Variants in CTTN observed in about 807,000 individuals in gnomAD.
CTTN encodes the protein src substrate cortactin.
A neutral mutation model predicts 84.0 loss-of-function variants in CTTN; 28 were observed. The observed-to-expected ratio is 0.33, with a 90% confidence interval of 0.25 to 0.46. The LOEUF (loss-of-function observed/expected upper bound fraction) is 0.46, where lower values mean the gene tolerates loss of function less well. CTTN is among the 20% of genes least tolerant of loss of function. The probability of loss-of-function intolerance (pLI) is 1.00; values close to 1 mark genes in which losing one functional copy is unlikely to be tolerated. For synonymous variants in CTTN, 301 were observed against 288.8 expected (o/e 1.04, Z -0.43); for missense variants, 641 against 723.8 (o/e 0.89, Z 1.31).
chr11:70,418,052 C>G (rs995513730), intron 8 of CTTN, among the ~76,000 whole-genome samples: 5 of 152,040 alleles, frequency 3.3e-5, no homozygotes, highest in African/African-American at 1.2e-4. Context: ...TCTTGTTTGG[C>G]CTGCACATTT....
rs150354756 is a variant in CTTN, at chr11:70,429,092, C to A, written c.1069C>A (p.Leu357Ile). 3 of 1,614,074 alleles carry A rather than the reference C, an allele frequency of 1.9e-6. No homozygotes were observed. The highest frequency in any genetic ancestry group is 1.7e-6 in the Non-Finnish European group (2 of 1,180,048). Reference protein sequence around the residue: ...TSNIRANFENLAKEKEQEDRR... With the variant: ...TSNIRANFENIAKEKEQEDRR... ...TAACATCAGAGCTAACTTTGAAAAC[C>A]TCGCTAAGGAGAAAGAGCAGGAGGA... The change falls in exon 14 of 18, where the codon CTC becomes ATC. Residue 357 changes from leucine (L) to isoleucine (I), a missense_variant. This residue lies in a region of CTTN where 289 missense variants were observed against 273.1 expected (regional missense o/e 1.06). Coordinates refer to ENST00000301843, the MANE Select transcript of CTTN (RefSeq NM_005231.4).
intron 9 of CTTN, 113 bp downstream of exon 9, chr11:70,419,969 CTT>C (rs1422934911): frequency 2.6e-6 from 2 of 768,912 alleles, no homozygotes; most frequent in African/African-American, 3.6e-5. Flanking sequence ...GTAGATGTCT[CTT>C]TTTCATGAAA....
At chr11:70,415,040 A>G (rs2058141980) in intron 6 of CTTN, among the ~76,000 whole-genome samples, 1 of 152,134 alleles carries the variant, frequency 6.6e-6, no homozygotes, top group Admixed American at 6.5e-5. Flanking sequence ...CTTTGCGTCC[A>G]GGTGTTGTTG....
intron 13 of CTTN, among the ~76,000 whole-genome samples, chr11:70,426,775 A>AT (rs2058305648): frequency 6.6e-6 from 1 of 151,368 alleles, no homozygotes; most frequent in Non-Finnish European, 1.5e-5. Flanking sequence ...TGTTGTTGCT[A>AT]TTTTTTAGTA....
At chr11:70,426,436 G>A (rs1371411669) in intron 13 of CTTN, among the ~76,000 whole-genome samples, 2 of 151,778 alleles carry the variant, frequency 1.3e-5, no homozygotes, top group African/African-American at 2.4e-5. Flanking sequence ...AGAGAGAGAG[G>A]AATGGTTTAT....
At chr11:70,410,330 C>T (rs1591434390) in intron 5 of CTTN, 2 of 200,962 alleles carry the variant, frequency 1.0e-5, no homozygotes, top group South Asian at 2.2e-4. Context: ...AGTCCGAAGA[C>T]CAAAGTCAAA....
At chr11:70,414,481 A>G in intron 5 of CTTN, 61 bp from the exon 6 acceptor site, 3 of 1,238,470 alleles carry the variant, frequency 2.4e-6, no homozygotes, top group Non-Finnish European at 3.5e-6. Flanking sequence ...CTGCTCTGGG[A>G]GGAAGTGAAG....
chr11:70,433,633 T>A lies in CTTN; in HGVS notation c.1445-14T>A. ...GACTTTGTATTGTTCAGCTCTGTCA[T>A]GGCTTTCTTTTAGAGGACAGCACCT... On this transcript the variant is annotated splice_polypyrimidine_tract_variant and intron_variant, in intron 16 of 17. Transcript: ENST00000301843. 1 of 1,596,434 alleles carries A rather than the reference T, an allele frequency of 6.3e-7. No individual in the cohort carries two copies. Among genetic ancestry groups the A allele is most frequent in the Non-Finnish European group, 8.6e-7 (1 of 1,164,180 alleles).
rs1209259210 is a variant in CTTN at position 70,403,186 on chromosome 11, CT to C, written c.-97-2058del. Among the ~76,000 whole-genome samples, 541 of 114,678 alleles carry C rather than the reference CT, an allele frequency of 4.7e-3. 2 individuals carry two copies. Among genetic ancestry groups the C allele is most frequent in the East Asian group, 0.027 (112 of 4,156 alleles). The allele number at this position is 114,678 out of a possible 152,430, so 75.2% of individuals were successfully genotyped here. A position where few individuals can be genotyped will look rare whatever the true frequency, so the allele number is the denominator to read the frequency against. Reference sequence around the variant, plus strand: ...CCTTTTTATTGAATTATAAGAGTTCCTTTTTTTTTTTTTTTTTTTTTGAGAT... The same window carrying C: ...CCTTTTTATTGAATTATAAGAGTTCCTTTTTTTTTTTTTTTTTTTTGAGAT... On this transcript the variant is annotated intron_variant, in intron 1 of 17. Coordinates refer to ENST00000301843, the MANE Select transcript of CTTN (RefSeq NM_005231.4).
intron 14 of CTTN, 116 bp downstream of exon 14, chr11:70,429,315 G>A (rs2058330675): frequency 4.1e-6 from 5 of 1,225,258 alleles, no homozygotes; most frequent in Non-Finnish European, 5.7e-6. Context: ...TCCTTGGAAG[G>A]CATGTTTAAC....
chr11:70,430,274 C>T (rs555498113), intron 14 of CTTN, among the ~76,000 whole-genome samples: 1 of 152,226 alleles, frequency 6.6e-6, no homozygotes, highest in Non-Finnish European at 1.5e-5. Flanking sequence ...GCCACCTCAC[C>T]CTCAGACTCA....
At chr11:70,408,602 G>T (rs1267869602) in intron 4 of CTTN, among the ~76,000 whole-genome samples, 1 of 152,138 alleles carries the variant, frequency 6.6e-6, no homozygotes, top group Non-Finnish European at 1.5e-5. Context: ...TCTTGCTTTT[G>T]TTGCTCAGGC....
chr11:70,409,781 C>A, intron 4 of CTTN, 50 bp from the exon 5 acceptor site: 1 of 1,594,924 alleles, frequency 6.3e-7, no homozygotes, highest in South Asian at 1.1e-5. Flanking sequence ...GGAGGCAAAG[C>A]TGCACGTCTG....
At chr11:70,417,291 C>T (rs185495259) in intron 8 of CTTN, among the ~76,000 whole-genome samples, 168 bp downstream of exon 8, 3 of 152,330 alleles carry the variant, frequency 2.0e-5, no homozygotes, top group Admixed American at 2.0e-4. Flanking sequence ...CTGCACAGTT[C>T]CCCATCGTAT....
chr11:70,428,547 ACTCCTGATCTCAGTCTTCCCGTCTCAAC>A (rs2058322778), intron 13 of CTTN, among the ~76,000 whole-genome samples: 1 of 150,904 alleles, frequency 6.6e-6, no homozygotes, highest in Non-Finnish European at 1.5e-5. Context: ...CTGGTCTCAA[ACTCCTGATCTCAGTCTTCCCGTCTCAAC>A]CTCCCAAAGT....
chr11:70,413,483 C>T (rs1027094343), intron 5 of CTTN, among the ~76,000 whole-genome samples: 6 of 152,254 alleles, frequency 3.9e-5, no homozygotes, highest in Non-Finnish European at 5.9e-5. Context: ...ATAGAACTGC[C>T]GAACGGAGTT....
chr11:70,433,329 G>T (rs2058377318), intron 16 of CTTN, 51 bp downstream of exon 16: 2 of 1,527,004 alleles, frequency 1.3e-6, no homozygotes, highest in African/African-American at 1.4e-5. Context: ...GAGCTCCCGG[G>T]ACATCCTGCT....
chr11:70,407,500 G>T lies in CTTN; in HGVS notation c.88-18G>T, dbSNP rs529849470. 1 of 1,613,978 alleles carries T rather than the reference G, an allele frequency of 6.2e-7. No individual in the cohort carries two copies. Among genetic ancestry groups the T allele is most frequent in the East Asian group, 2.2e-5 (1 of 44,864 alleles). ...CACAATCCAGGCTGTGAGATTTACTGGTCGCTTTTCTTTTCAGAATGATGT... is the reference window on the plus strand; with the variant it reads ...CACAATCCAGGCTGTGAGATTTACTTGTCGCTTTTCTTTTCAGAATGATGT... On this transcript the variant is annotated intron_variant, in intron 3 of 17. Transcript: ENST00000301843.
At position 70,436,347 on chromosome 11, in the gene CTTN, G is replaced by T. The variant is rs779295230; in HGVS notation, c.*1185G>T. ...GTCCCGTCGTGCAGTCAGGTGGGCG[G>T]TGTGTCTTTCCAGAAGGTCACGTGG... is the stretch of plus-strand genomic sequence containing the variant. On this transcript the variant is annotated 3_prime_UTR_variant, in exon 18 of 18. Transcript: ENST00000301843. 2.5e-6 allele frequency: 4 copies of T among 1,598,360 alleles called. No individual in the cohort carries two copies. The highest frequency in any genetic ancestry group is 3.4e-6 in the Non-Finnish European group (4 of 1,179,794).
Sources: gnomAD v4.1 joint callset for allele counts (sites outside exome capture counted in the v4.1 genomes callset) on GRCh38, gnomAD v4.1.1 for gene constraint, gnomAD v4.1.1 regional missense constraint, MANE v1.5 for transcripts, NCBI Gene and HGNC (gene_info 2026-07-23, HGNC 2026-07-21) for gene names.